The following RPH3AL variants were observed in gnomAD, a reference collection of about 807,000 sequenced individuals.
RPH3AL encodes the protein rabphilin 3A like (without C2 domains), also known as rab effector Noc2.
RPH3AL carries 38 observed loss-of-function variants against 43.1 expected under a neutral mutation model. The ratio of observed to expected loss-of-function variants is 0.88; its 90% CI spans 0.68 to 1.15. RPH3AL has a LOEUF of 1.15. Among genes scored for constraint, RPH3AL ranks in the 50% most tolerant of loss-of-function variants. The probability of loss-of-function intolerance (pLI) is 0.00; values close to 1 mark genes in which losing one functional copy is unlikely to be tolerated. For synonymous variants in RPH3AL, 189 were observed against 176.3 expected, an observed-to-expected ratio of 1.07 and a Z score of -0.57; for missense variants, 462 against 423.2, an observed-to-expected ratio of 1.09 and a Z score of -0.81.
chr17:351,335 C>T (rs1170156897), intron 1 of RPH3AL, among the ~76,000 whole-genome samples: 1 of 152,188 alleles, frequency 6.6e-6, no homozygotes, highest in Non-Finnish European at 1.5e-5. Flanking sequence ...CTCCCCTCCT[C>T]AAGCACCCTC....
At position 328,567 on chromosome 17, in the gene RPH3AL, A is replaced by C. The variant is rs536826442; in HGVS notation, c.-36-988T>G. Among the ~76,000 whole-genome samples, 1 of 152,288 alleles carries C rather than the reference A, an allele frequency of 6.6e-6. No homozygotes were observed. The highest frequency in any genetic ancestry group is 1.5e-5 in the Non-Finnish European group (1 of 68,024). The stretch of plus-strand genomic sequence containing the variant: ...TACTCCTAGTTACACACCCAAGAGT[A>C]CCCAAAACATACGTCCTCACCAAAA... On this transcript the variant is annotated intron_variant, in intron 2 of 9. Coordinates refer to ENST00000331302, the MANE Select transcript of RPH3AL (RefSeq NM_006987.4). The surrounding 1 kb of genome is among the most constrained non-coding windows in gnomAD (Gnocchi z 4.2).
intron 5 of RPH3AL, among the ~76,000 whole-genome samples, chr17:301,136 C>T (rs1423697385): frequency 6.6e-6 from 1 of 152,268 alleles, no homozygotes; most frequent in Non-Finnish European, 1.5e-5. Flanking sequence ...CTGGATGCTC[C>T]GCCATAGGGG....
Position 333,540 on chromosome 17 carries a change from A to C in RPH3AL, c.-37+219T>G, listed in dbSNP as rs903260324. 1 of 308,058 alleles carries C rather than the reference A, an allele frequency of 3.2e-6. No individual in the cohort carries two copies. The highest frequency in any genetic ancestry group is 6.5e-6 in the Non-Finnish European group (1 of 153,930). 19.1% of individuals were successfully genotyped at this position (308,058 alleles called of 1,614,324 possible). A position where few individuals can be genotyped will look rare whatever the true frequency, so the allele number is the denominator to read the frequency against. ...ACCTTGTGCTTTCCCACAGTATTAA[A>C]GTTCTTTAAAAATATGATTTTAAAC... On this transcript the variant is annotated intron_variant, in intron 2 of 9. Coordinates refer to ENST00000331302, the MANE Select transcript of RPH3AL (RefSeq NM_006987.4). This position sits in a 1 kb window ranked among gnomAD's most constrained non-coding sequence, Gnocchi z 4.5.
intron 7 of RPH3AL, among the ~76,000 whole-genome samples, chr17:222,803 A>C (rs2041022522): frequency 6.6e-6 from 1 of 152,146 alleles, no homozygotes; most frequent in Admixed American, 6.6e-5. Flanking sequence ...ACAACTGCAG[A>C]ATCCTCCTTT....
intron 7 of RPH3AL, among the ~76,000 whole-genome samples, chr17:228,450 T>C (rs757578778): frequency 1.6e-4 from 25 of 152,140 alleles, no homozygotes; most frequent in Non-Finnish European, 3.2e-4. Context: ...GTTCGGCATC[T>C]GGCCTGTGGT....
chr17:302,357 G>A (rs771238555), intron 5 of RPH3AL, among the ~76,000 whole-genome samples: 1 of 152,228 alleles, frequency 6.6e-6, no homozygotes, highest in South Asian at 2.1e-4. Flanking sequence ...GGCCAGGCAG[G>A]TCCACGGAGT....
At chr17:314,196 G>T (rs895288168) in intron 5 of RPH3AL, among the ~76,000 whole-genome samples, 1 of 152,204 alleles carries the variant, frequency 6.6e-6, no homozygotes, top group Middle Eastern at 3.4e-3. Context: ...AGGGGAAGTG[G>T]GCCAGGATCT....
chr17:321,720 C>G (rs369231436), intron 3 of RPH3AL: 2 of 350,316 alleles, frequency 5.7e-6, no homozygotes, highest in Non-Finnish European at 1.0e-5. Flanking sequence ...ACAGAGACGG[C>G]CCAGGTGCCG....
chr17:314,129 A>G (rs1417535649), intron 5 of RPH3AL, among the ~76,000 whole-genome samples: 1 of 152,196 alleles, frequency 6.6e-6, no homozygotes, highest in Non-Finnish European at 1.5e-5. Flanking sequence ...CACCTGTACT[A>G]ACCGTTGCAC....
At chr17:275,911 A>G (rs1407944370) in intron 6 of RPH3AL, among the ~76,000 whole-genome samples, 1 of 152,236 alleles carries the variant, frequency 6.6e-6, no homozygotes, top group African/African-American at 2.4e-5. Flanking sequence ...CACCAGCAAG[A>G]AAACCAGGCG....
chr17:259,301 C>G (rs189187552), intron 6 of RPH3AL, among the ~76,000 whole-genome samples: 1 of 152,206 alleles, frequency 6.6e-6, no homozygotes, highest in Non-Finnish European at 1.5e-5. Flanking sequence ...GCATAAAACA[C>G]ACTGTCAGTA....
At chr17:273,184 G>A (rs79360116) in intron 6 of RPH3AL, among the ~76,000 whole-genome samples, 1 of 10,728 alleles carries the variant, frequency 9.3e-5, no homozygotes, top group African/African-American at 2.7e-4. Flanking sequence ...CGCGGGTGAC[G>A]TCAGGGAGAG....
intron 1 of RPH3AL, among the ~76,000 whole-genome samples, chr17:341,870 C>A (rs1433765070): frequency 6.6e-6 from 1 of 152,180 alleles, no homozygotes; most frequent in Non-Finnish European, 1.5e-5. Flanking sequence ...ATTTGTAAAT[C>A]TGTCATAATT....
At chr17:223,196 GAA>G (rs11370789) in intron 7 of RPH3AL, among the ~76,000 whole-genome samples, 7 of 144,642 alleles carry the variant, frequency 4.8e-5, no homozygotes, top group African/African-American at 1.8e-4. Flanking sequence ...TCTCAAAAAA[GAA>G]AAAAAAAAAA....
chr17:247,057 G>T, intron 7 of RPH3AL, 54 bp downstream of exon 7: 2 of 1,601,222 alleles, frequency 1.2e-6, no homozygotes, highest in Non-Finnish European at 1.7e-6. Flanking sequence ...TGCCGGGCTG[G>T]CTAATGACCC....
At chr17:338,810 AC>A (rs2045032227) in intron 1 of RPH3AL, 1 of 152,000 alleles carries the variant, frequency 6.6e-6, no homozygotes, top group Non-Finnish European at 1.5e-5. Flanking sequence ...CCCAAGAGAA[AC>A]CTCTCCATGA....
chr17:320,830 G>A (rs1286651317), intron 4 of RPH3AL, among the ~76,000 whole-genome samples: 1 of 152,244 alleles, frequency 6.6e-6, no homozygotes, highest in Non-Finnish European at 1.5e-5. Flanking sequence ...CTGAGCTGTG[G>A]TCGGCGCTGG....
chr17:307,203 ACGGCAGG>A (rs1567633722), intron 5 of RPH3AL, among the ~76,000 whole-genome samples: 4 of 65,906 alleles, frequency 6.1e-5, no homozygotes, highest in Non-Finnish European at 1.1e-4. Flanking sequence ...GGTCCTCCCC[ACGGCAGG>A]TCCATCCCAC....
At chr17:316,051 G>A (rs1555520492) in intron 5 of RPH3AL, among the ~76,000 whole-genome samples, 629 of 110,812 alleles carry the variant, frequency 5.7e-3, no homozygotes, top group African/African-American at 0.018. Flanking sequence ...TAGTCCCTGT[G>A]ACTCCACCTC....
Sources: allele counts gnomAD v4.1 joint callset (sites outside exome capture counted in the v4.1 genomes callset), GRCh38; gene constraint gnomAD v4.1.1; non-coding constraint Gnocchi (gnomAD v3.1); transcripts MANE v1.5; gene names NCBI Gene and HGNC (gene_info 2026-07-23, HGNC 2026-07-21).